The following VIT variants were observed in gnomAD, a reference collection of about 807,000 sequenced individuals.
The protein encoded by VIT is vitrin.
VIT carries 99 observed loss-of-function variants against 78.0 expected under a neutral mutation model. That is an observed-to-expected ratio of 1.27 (90% CI 1.08 to 1.50). The LOEUF is 1.50. Among genes scored for constraint, VIT ranks in the 40% most tolerant of loss-of-function variants. VIT has a pLI of 0.00. For synonymous variants in VIT, 374 were observed against 334.3 expected (o/e 1.12, Z -1.29); for missense variants, 1,126 against 875.3 (o/e 1.29, Z -3.61).
In VIT at chr2:36,773,778, A is replaced by G; in HGVS notation, c.680-13A>G. On this transcript the variant is annotated splice_polypyrimidine_tract_variant and intron_variant, in intron 7 of 15. Coordinates refer to ENST00000379242, the MANE Select transcript of VIT (RefSeq NM_053276.4). ...ATAAAATTCATGCTCTGACCAGTCA[A>G]ATGTCCTTACAGATCTCTGGTCCAC... The G allele has an allele frequency of 6.3e-7, 1 of 1,579,272 alleles. No homozygotes were observed. Among genetic ancestry groups the G allele is most frequent in the Non-Finnish European group, 8.6e-7 (1 of 1,160,980 alleles).
intron 4 of VIT, among the ~76,000 whole-genome samples, chr2:36,749,125 T>C (rs780838874): frequency 4.6e-5 from 7 of 152,226 alleles, no homozygotes; most frequent in Non-Finnish European, 1.0e-4. Flanking sequence ...TACTCTTTCA[T>C]GTTCATGAAA....
chr2:36,731,214 CCT>C (rs1435366222), intron 3 of VIT, among the ~76,000 whole-genome samples: 3 of 152,006 alleles, frequency 2.0e-5, no homozygotes, highest in Admixed American at 2.0e-4. Context: ...CAGTAGAACC[CCT>C]CTCTTTAAGT....
At chr2:36,780,586 C>G (rs192436107) in intron 9 of VIT, among the ~76,000 whole-genome samples, 3 of 152,258 alleles carry the variant, frequency 2.0e-5, no homozygotes, top group Non-Finnish European at 4.4e-5. Flanking sequence ...GGTCACACAC[C>G]TGGTTAATGA....
intron 1 of VIT, among the ~76,000 whole-genome samples, chr2:36,706,880 C>A (rs1343735465): frequency 6.6e-6 from 1 of 152,160 alleles, no homozygotes; most frequent in Non-Finnish European, 1.5e-5. Context: ...CTTACAGTGA[C>A]AACCATGTGA....
intron 12 of VIT, among the ~76,000 whole-genome samples, chr2:36,796,012 A>G (rs1313747413): frequency 6.6e-6 from 1 of 152,000 alleles, no homozygotes; most frequent in East Asian, 1.9e-4. Flanking sequence ...TAGTCTGTAT[A>G]TGAGTCCACT....
intron 12 of VIT, among the ~76,000 whole-genome samples, chr2:36,793,442 G>C (rs1665645110): frequency 6.6e-6 from 1 of 152,200 alleles, no homozygotes; most frequent in Non-Finnish European, 1.5e-5. Context: ...ATTGGCCCAG[G>C]ACGCTGCACC....
intron 1 of VIT, among the ~76,000 whole-genome samples, chr2:36,702,036 T>C (rs1268036103): frequency 6.6e-6 from 1 of 152,144 alleles, no homozygotes; most frequent in Non-Finnish European, 1.5e-5. Flanking sequence ...AAAATGTAAG[T>C]AGCAAAGTAG....
At chr2:36,772,686 G>A (rs867543106) in intron 7 of VIT, among the ~76,000 whole-genome samples, 1 of 152,228 alleles carries the variant, frequency 6.6e-6, no homozygotes, top group East Asian at 1.9e-4. Context: ...CAGCCTGGGG[G>A]ACAGAGTGAG....
rs190564648 is a variant in VIT, at chr2:36,778,183, C to T, written c.802+3116C>T. Among the ~76,000 whole-genome samples the T allele has an allele frequency of 9.2e-5, 14 of 152,322 alleles. No homozygotes were observed. The East Asian group carries it at 1.9e-3, about 21-fold the overall frequency. On this transcript the variant is annotated intron_variant, in intron 9 of 15. Coordinates refer to ENST00000379242, the MANE Select transcript of VIT (RefSeq NM_053276.4). ...GTCCTGTGCATTAGAGCTACAAACA[C>T]GAATCAAGTATTTTCAAATTCTAGA...
intron 1 of VIT, among the ~76,000 whole-genome samples, chr2:36,704,158 T>C (rs1299792935): frequency 1.3e-5 from 2 of 152,018 alleles, no homozygotes; most frequent in Non-Finnish European, 2.9e-5. Context: ...AGTCCTGACC[T>C]CAGGTGATCC....
chr2:36,720,879 G>A (rs962207129), intron 2 of VIT, among the ~76,000 whole-genome samples: 3 of 152,058 alleles, frequency 2.0e-5, no homozygotes, highest in Admixed American at 6.6e-5. Flanking sequence ...GTATGGTAGC[G>A]GGCACCTGTA....
intron 3 of VIT, among the ~76,000 whole-genome samples, chr2:36,735,213 C>T (rs540966113): frequency 5.8e-4 from 88 of 151,984 alleles, no homozygotes; most frequent in African/African-American, 2.1e-3. Flanking sequence ...GCATGGGGGT[C>T]TTACAAAGAA....
chr2:36,722,969 T>G (rs2110876), intron 2 of VIT, among the ~76,000 whole-genome samples: 2 of 150,426 alleles, frequency 1.3e-5, no homozygotes, highest in African/African-American at 4.9e-5. Flanking sequence ...GATTCTAATT[T>G]TATAAATTAT....
At chr2:36,751,434 G>C (rs6748659) in intron 4 of VIT, among the ~76,000 whole-genome samples, 56,776 of 152,098 alleles carry the variant, frequency 0.37, 11,423 homozygotes, top group Non-Finnish European at 0.45. Context: ...TCCACATTGA[G>C]GATTAAAACT....
intron 1 of VIT, among the ~76,000 whole-genome samples, chr2:36,699,625 G>GATA (rs1402908316): frequency 2.3e-5 from 3 of 131,892 alleles, no homozygotes; most frequent in African/African-American, 5.9e-5. Context: ...TAGATATATA[G>GATA]GTAGATAGAT....
intron 3 of VIT, among the ~76,000 whole-genome samples, chr2:36,734,093 A>G (rs1013534689): frequency 6.6e-6 from 1 of 152,306 alleles, no homozygotes; most frequent in African/African-American, 2.4e-5. Flanking sequence ...CAGCCCAGAC[A>G]TCCTGAGTCA....
intron 4 of VIT, among the ~76,000 whole-genome samples, chr2:36,746,656 C>T (rs1668154585): frequency 6.6e-6 from 1 of 152,074 alleles, no homozygotes; most frequent in Admixed American, 6.6e-5. Flanking sequence ...TCATCTTTGT[C>T]ATTTCAGATT....
intron 6 of VIT, among the ~76,000 whole-genome samples, chr2:36,765,326 G>T (rs1297809576): frequency 6.6e-6 from 1 of 151,896 alleles, no homozygotes; most frequent in Admixed American, 6.6e-5. Flanking sequence ...AGATTTAGTT[G>T]ACTCACAGTT....
At chr2:36,729,340 G>A in intron 2 of VIT, 86 bp from the exon 3 acceptor site, 1 of 1,179,610 alleles carries the variant, frequency 8.5e-7, no homozygotes, top group South Asian at 1.6e-5. Context: ...AATACTTTGT[G>A]GATGATCGAA....
Sources: allele counts gnomAD v4.1 joint callset (sites outside exome capture counted in the v4.1 genomes callset), GRCh38; gene constraint gnomAD v4.1.1; transcripts MANE v1.5; gene names NCBI Gene and HGNC (gene_info 2026-07-23, HGNC 2026-07-21).